Variants in RAB3B observed in about 807,000 individuals in gnomAD.
RAB3B encodes the protein RAB3B, member RAS oncogene family.
Under a neutral mutation model 20.5 loss-of-function variants are expected in RAB3B, and 11 were observed. The ratio of observed to expected loss-of-function variants is 0.54; its 90% CI spans 0.34 to 0.89. The LOEUF is 0.89. Ranked by LOEUF, RAB3B falls within the 40% of genes least tolerant of loss-of-function variation. The pLI is 0.02. For synonymous variants in RAB3B, 99 were observed against 106.3 expected, an observed-to-expected ratio of 0.93 and a Z score of 0.42; for missense variants, 225 against 280.9, an observed-to-expected ratio of 0.80 and a Z score of 1.42.
At chr1:51,978,361 T>C (rs1685037509) in intron 1 of RAB3B, among the ~76,000 whole-genome samples, 1 of 152,222 alleles carries the variant, frequency 6.6e-6, no homozygotes. Context: ...AGGACTCAAA[T>C]GAGATAACAA....
rs1287564773 is a variant in RAB3B, at chr1:51,914,260, A to C, written c.*5667T>G. ...ATTTGATCAGTCATCAAAGGTTAGT[A>C]CTAAAAGGTGAAAGCTTAGTTGAGG... is the stretch of plus-strand genomic sequence containing the variant. On this transcript the variant is annotated 3_prime_UTR_variant, in exon 5 of 5. Transcript: ENST00000371655. The C allele has an allele frequency of 6.6e-6, 1 of 152,216 alleles. No individual in the cohort carries two copies. Among genetic ancestry groups the C allele is most frequent in the Non-Finnish European group, 1.5e-5 (1 of 68,056 alleles). The allele number at this position is 152,216 out of a possible 1,614,324, so 9.4% of individuals were successfully genotyped here.
intron 2 of RAB3B, among the ~76,000 whole-genome samples, chr1:51,968,869 TACTC>T (rs1360634951): frequency 6.6e-6 from 1 of 152,214 alleles, no homozygotes; most frequent in Non-Finnish European, 1.5e-5. Flanking sequence ...TATGAGGAGT[TACTC>T]ACATCACTGT....
At chr1:51,942,017 G>A (rs1935291) in intron 2 of RAB3B, among the ~76,000 whole-genome samples, 35,325 of 152,154 alleles carry the variant, frequency 0.23, 4,591 homozygotes, top group Non-Finnish European at 0.28. Context: ...AAACATTGAC[G>A]CAGTATTTGA....
rs1684377236 is a variant in RAB3B at position 51,934,932 on chromosome 1, C to T, written c.348-1490G>A. 2.0e-5 allele frequency among the ~76,000 whole-genome samples: 3 copies of T among 152,032 alleles called. No individual in the cohort carries two copies. In the South Asian group the frequency reaches 6.2e-4, roughly 32 times the overall value. ...GAAGACATCTTTTTGTGGAGATGGG[C>T]CTAACATTCCCCAAAGACCCCATCA... On this transcript the variant is annotated intron_variant, in intron 3 of 4. Coordinates refer to ENST00000371655, the MANE Select transcript of RAB3B (RefSeq NM_002867.4).
chr1:51,911,227 A>C lies in RAB3B; in HGVS notation c.*8700T>G, dbSNP rs1293041496. On this transcript the variant is annotated 3_prime_UTR_variant, in exon 5 of 5. Transcript: ENST00000371655. ...TTTGCCTGTGCTGTCATCAGTGTCC[A>C]TGGAGAACTGCTTCTCACCTTGAGA... 6.6e-6 allele frequency: 1 copy of C among 152,220 alleles called. No individual in the cohort carries two copies. The highest frequency in any genetic ancestry group is 1.5e-5 in the Non-Finnish European group (1 of 68,048). The allele number at this position is 152,220 out of a possible 1,614,324, so 9.4% of individuals were successfully genotyped here. A position where few individuals can be genotyped will look rare whatever the true frequency, so the allele number is the denominator to read the frequency against.
At chr1:51,974,960 T>C (rs1327153845) in intron 2 of RAB3B, among the ~76,000 whole-genome samples, 1 of 152,230 alleles carries the variant, frequency 6.6e-6, no homozygotes, top group Admixed American at 6.5e-5. Context: ...ACGCCTGTAA[T>C]CCCAGCACTT....
intron 2 of RAB3B, among the ~76,000 whole-genome samples, chr1:51,967,515 C>CTTTTTGTTTTTTTTTTTTTTTTT (rs67927521): frequency 6.1e-5 from 1 of 16,436 alleles, no homozygotes; most frequent in Non-Finnish European, 2.6e-4. Context: ...CTTTTCTTTT[C>CTTTTTGTTTTTTTTTTTTTTTTT]TTTTTCTTTT....
At chr1:51,952,941 A>C (rs755859000) in intron 2 of RAB3B, among the ~76,000 whole-genome samples, 1 of 151,960 alleles carries the variant, frequency 6.6e-6, no homozygotes, top group Non-Finnish European at 1.5e-5. Flanking sequence ...CTCACTTTCA[A>C]GTTTCAGATG....
rs1208529329 is a variant in RAB3B at position 51,911,643 on chromosome 1, C to A, written c.*8284G>T. 6.6e-6 allele frequency: 1 copy of A among 152,184 alleles called. No homozygotes were observed. The highest frequency in any genetic ancestry group is 1.9e-4 in the East Asian group (1 of 5,196). The allele number at this position is 152,184 out of a possible 1,614,324, so 9.4% of individuals were successfully genotyped here. On this transcript the variant is annotated 3_prime_UTR_variant, in exon 5 of 5. Transcript: ENST00000371655. ...GGTCTAGAAAACCAGAGACCACACT[C>A]TTTCTCACCTTATGTCTCTGCTGCC...
chr1:51,945,277 TC>T (rs1418761634), intron 2 of RAB3B, among the ~76,000 whole-genome samples: 2 of 152,178 alleles, frequency 1.3e-5, no homozygotes, highest in African/African-American at 4.8e-5. Flanking sequence ...GCTCCAGTGA[TC>T]CTCCCACCTC....
At chr1:51,925,021 T>C (rs901109107) in intron 4 of RAB3B, among the ~76,000 whole-genome samples, 1 of 152,144 alleles carries the variant, frequency 6.6e-6, no homozygotes, top group Non-Finnish European at 1.5e-5. Context: ...CCAAAAATGA[T>C]CACGTTTATC....
chr1:51,960,623 G>C (rs1684772460), intron 2 of RAB3B, among the ~76,000 whole-genome samples: 1 of 152,118 alleles, frequency 6.6e-6, no homozygotes, highest in Admixed American at 6.5e-5. Flanking sequence ...CCTGTCCTTA[G>C]CAACACATCA....
In RAB3B at chr1:51,976,881, G is replaced by A. The variant is rs778134189; in HGVS notation, c.228+9C>T. 12 of 1,611,286 alleles carry A rather than the reference G, an allele frequency of 7.4e-6. No individual in the cohort carries two copies. Among genetic ancestry groups the A allele is most frequent in the Middle Eastern group, 1.6e-4 (1 of 6,084 alleles). On this transcript the variant is annotated intron_variant, in intron 2 of 4. Coordinates refer to ENST00000371655, the MANE Select transcript of RAB3B (RefSeq NM_002867.4). ...CAGGAAAATCCTGCCCAAGATTCCC[G>A]GGACTCACCCAGATCTGCAGTTTCA...
chr1:51,989,416 C>T (rs1288283471), intron 1 of RAB3B, among the ~76,000 whole-genome samples: 1 of 151,872 alleles, frequency 6.6e-6, no homozygotes, highest in Non-Finnish European at 1.5e-5. Context: ...ATCCCCGGTG[C>T]CCGTGTAACA....
At chr1:51,974,940 G>T (rs894931812) in intron 2 of RAB3B, among the ~76,000 whole-genome samples, 7 of 152,226 alleles carry the variant, frequency 4.6e-5, no homozygotes, top group African/African-American at 2.4e-5. Context: ...TTGGCTGGGC[G>T]TGGTGGCTCA....
At chr1:51,953,851 T>G (rs1376868112) in intron 2 of RAB3B, among the ~76,000 whole-genome samples, 5 of 152,180 alleles carry the variant, frequency 3.3e-5, no homozygotes. Flanking sequence ...TACAGATGAT[T>G]TATTCGATAA....
intron 2 of RAB3B, among the ~76,000 whole-genome samples, chr1:51,950,959 A>G (rs1684632761): frequency 6.6e-6 from 1 of 152,158 alleles, no homozygotes; most frequent in Non-Finnish European, 1.5e-5. Flanking sequence ...AGTTCAATAG[A>G]GCTTGGGAGA....
intron 1 of RAB3B, among the ~76,000 whole-genome samples, chr1:51,978,829 G>T (rs1343288112): frequency 2.0e-5 from 3 of 152,204 alleles, no homozygotes; most frequent in African/African-American, 4.8e-5. Flanking sequence ...AGGCTGGTGG[G>T]TGTGGCTCTT....
chr1:51,987,258 A>G (rs1685164088), intron 1 of RAB3B, among the ~76,000 whole-genome samples: 1 of 152,218 alleles, frequency 6.6e-6, no homozygotes, highest in South Asian at 2.1e-4. Context: ...GAAGTGAATG[A>G]AGGAACTTAC....
Sources: gnomAD v4.1 joint callset for allele counts (sites outside exome capture counted in the v4.1 genomes callset) on GRCh38, gnomAD v4.1.1 for gene constraint, MANE v1.5 for transcripts, NCBI Gene and HGNC (gene_info 2026-07-23, HGNC 2026-07-21) for gene names.